Variants in NUP58 observed in about 807,000 individuals in gnomAD.
The protein encoded by NUP58 is nucleoporin p58/p45.
NUP58 carries 17 observed loss-of-function variants against 70.1 expected under a neutral mutation model. The observed-to-expected ratio is 0.24, with a 90% confidence interval of 0.17 to 0.36. NUP58 has a LOEUF of 0.36. NUP58 is among the 10% of genes least tolerant of loss of function. NUP58 has a pLI of 1.00. For synonymous variants in NUP58, 275 were observed against 257.6 expected (o/e 1.07, Z -0.65); for missense variants, 644 against 701.5 (o/e 0.92, Z 0.93).
chr13:25,345,911 T>C (rs748980082), downstream of NUP58, among the ~76,000 whole-genome samples: 1 of 152,226 alleles, frequency 6.6e-6, no homozygotes, highest in African/African-American at 2.4e-5. Context: ...AGAATGTGTT[T>C]GTTTTTTCTA....
intron 3 of NUP58, among the ~76,000 whole-genome samples, chr13:25,347,522 G>A (rs1467767694): frequency 6.6e-6 from 1 of 152,178 alleles, no homozygotes; most frequent in Non-Finnish European, 1.5e-5. Flanking sequence ...TTATAACCTC[G>A]ATGTCTTTGT....
At chr13:25,305,848 G>A (rs1391261654) in intron 1 of NUP58, among the ~76,000 whole-genome samples, 4 of 151,956 alleles carry the variant, frequency 2.6e-5, no homozygotes, top group Admixed American at 6.6e-5. Flanking sequence ...GGCTTCTTAA[G>A]CTGATTATGA....
At chr13:25,335,565 A>C (rs1027767514) in intron 13 of NUP58, 1 of 982,862 alleles carries the variant, frequency 1.0e-6, no homozygotes, top group African/African-American at 1.7e-5. Flanking sequence ...GTGATCTCAA[A>C]CTGGATGTAA....
chr13:25,320,247 T>C (rs2137771490), intron 7 of NUP58: 1 of 229,268 alleles, frequency 4.4e-6, no homozygotes, highest in East Asian at 1.0e-4. Flanking sequence ...CTCTGATTTT[T>C]TTGTTAGACA....
intron 6 of NUP58, among the ~76,000 whole-genome samples, chr13:25,318,255 G>A (rs1005688505): frequency 1.7e-4 from 26 of 152,038 alleles, no homozygotes; most frequent in African/African-American, 5.6e-4. Flanking sequence ...TTGAACCTGG[G>A]CAGCAGAGGT....
chr13:25,333,866 A>G (rs77895983), intron 13 of NUP58: 17,209 of 985,422 alleles, frequency 0.017, 158 homozygotes, highest in Non-Finnish European at 0.02. Context: ...CTGTTGATCT[A>G]TACAAGATTT....
intron 13 of NUP58, chr13:25,334,162 CGATAACGTG>C: frequency 1.0e-6 from 1 of 985,294 alleles, no homozygotes. Flanking sequence ...TCATGAGCAT[CGATAACGTG>C]GATAACGTAG....
At chr13:25,323,500 GA>G (rs564740714) in intron 9 of NUP58, among the ~76,000 whole-genome samples, 3 of 151,916 alleles carry the variant, frequency 2.0e-5, no homozygotes, top group Non-Finnish European at 4.4e-5. Context: ...TAGTAGCTAG[GA>G]ACTAATACTC....
rs190589279 is a variant in NUP58, at chr13:25,334,664, A to G, written c.1436-2272A>G. 28 of 980,458 alleles carry G rather than the reference A, an allele frequency of 2.9e-5. No individual in the cohort carries two copies. In the East Asian group the frequency reaches 4.5e-4, roughly 16 times the overall value. The allele number at this position is 980,458 out of a possible 1,614,324, so 60.7% of individuals were successfully genotyped here. The stretch of plus-strand genomic sequence containing the variant: ...ACTTAGAAATAACCATACTAATTAC[A>G]TTAGGCATTTGGGGTGATCATGGAA... On this transcript the variant is annotated intron_variant, in intron 13 of 15. Coordinates refer to ENST00000381736, the MANE Select transcript of NUP58 (RefSeq NM_014089.4).
At chr13:25,311,167 T>C (rs1405879819) in intron 3 of NUP58, among the ~76,000 whole-genome samples, 2 of 152,100 alleles carry the variant, frequency 1.3e-5, no homozygotes, top group East Asian at 3.9e-4. Flanking sequence ...CTGGGAAATA[T>C]GAAGTATTTT....
intron 2 of NUP58, 142 bp downstream of exon 2, chr13:25,308,090 G>A: frequency 1.1e-6 from 1 of 885,898 alleles, no homozygotes; most frequent in Non-Finnish European, 1.6e-6. Context: ...AGAAATGCAA[G>A]GAATTGGAAT....
At chr13:25,339,258 A>G (rs1593203098) in intron 15 of NUP58, among the ~76,000 whole-genome samples, 2 of 152,218 alleles carry the variant, frequency 1.3e-5, no homozygotes, top group South Asian at 2.1e-4. Flanking sequence ...ATTGGTAAAT[A>G]TGGCTTGTTT....
At position 25,329,741 on chromosome 13, in the gene NUP58, A is replaced by T. The variant is rs568007209; in HGVS notation, c.1234-1616A>T. Among the ~76,000 whole-genome samples the T allele has an allele frequency of 2.6e-5, 4 of 152,326 alleles. No individual in the cohort carries two copies. The East Asian group carries it at 7.7e-4, about 29-fold the overall frequency. Reference sequence around the variant, plus strand: ...TAACTATTCTATCCAGCCAGGCCTCAGGAACATTAACACATTTGGAAGTTT... The same window carrying T: ...TAACTATTCTATCCAGCCAGGCCTCTGGAACATTAACACATTTGGAAGTTT... On this transcript the variant is annotated intron_variant, in intron 12 of 15. Coordinates refer to ENST00000381736, the MANE Select transcript of NUP58 (RefSeq NM_014089.4).
At position 25,307,826 on chromosome 13, in the gene NUP58, A is replaced by G. The variant is rs770583254; in HGVS notation, c.128A>G (p.Asn43Ser). The G allele has an allele frequency of 1.5e-4, 240 of 1,613,958 alleles. No homozygotes were observed. Among genetic ancestry groups the G allele is most frequent in the Non-Finnish European group, 1.9e-4 (223 of 1,180,004 alleles). Residue 43 changes from asparagine (N) to serine (S), a missense_variant, in exon 2 of 16, where the codon AAT (asparagine) becomes AGT (serine). Coordinates refer to ENST00000381736, the MANE Select transcript of NUP58 (RefSeq NM_014089.4). ...GASSNPSVGLNFGNLGSTSTP... is the reference protein window; with the variant it reads ...GASSNPSVGLSFGNLGSTSTP... ...ATAAGCAACCCTTCTGTGGGGCTCA[A>G]TTTTGGAAATCTTGGAAGTACTTCA...
rs141694736 is a variant in NUP58, at chr13:25,321,238, T to C, written c.951+145T>C. On this transcript the variant is annotated intron_variant, in intron 9 of 15. Transcript: ENST00000381736. ...AGAAAACCAGATAACTCATATACTT[T>C]AATAATGAGTTTTTATTAAGCGTTT... The C allele has an allele frequency of 2.1e-3, 1,357 of 640,776 alleles. 5 individuals are homozygous for C. Among genetic ancestry groups the C allele is most frequent in the Non-Finnish European group, 3.1e-3 (1,215 of 387,594 alleles). The allele number at this position is 640,776 out of a possible 1,614,324, so 39.7% of individuals were successfully genotyped here.
rs11556092 is a variant in NUP58, at chr13:25,327,464, A to G, written c.1185A>G (p.Thr395=). Residue 395 remains threonine, a synonymous_variant, in exon 12 of 16, where the codon ACA becomes ACG. Transcript: ENST00000381736. ...LSMAMQKIYQ[T]FVALAAQLQS... is the part of the protein sequence containing the mutation. Reference sequence around the variant, plus strand: ...TGGCTATGCAGAAAATTTATCAAACATTTGTAGCTTTAGCGGCACAACTTC... The same window carrying G: ...TGGCTATGCAGAAAATTTATCAAACGTTTGTAGCTTTAGCGGCACAACTTC... 1.9e-6 allele frequency: 3 copies of G among 1,611,128 alleles called. No homozygotes were observed. Among genetic ancestry groups the G allele is most frequent in the Non-Finnish European group, 2.5e-6 (3 of 1,178,718 alleles).
Position 25,317,032 on chromosome 13 carries a change from C to CT in NUP58, c.685+1574dup, listed in dbSNP as rs556058379. The stretch of plus-strand genomic sequence containing the variant: ...TATCTATTGCTTATATCAAGGGATT[C>CT]TTTTTTTTTAATCCAAATGATTTCT... On this transcript the variant is annotated intron_variant, in intron 6 of 15. Coordinates refer to ENST00000381736, the MANE Select transcript of NUP58 (RefSeq NM_014089.4). 6.8e-3 allele frequency among the ~76,000 whole-genome samples: 1,036 copies of CT among 151,414 alleles called. 14 individuals are homozygous for CT. Among genetic ancestry groups the CT allele is most frequent in the African/African-American group, 0.024 (982 of 41,296 alleles).
chr13:25,301,916 A>AC (rs1247679416), intron 1 of NUP58, 36 bp downstream of exon 1: 3 of 1,288,776 alleles, frequency 2.3e-6, no homozygotes, highest in Non-Finnish European at 3.3e-6. Context: ...GGCCGGATTC[A>AC]CCCCCACCCC....
chr13:25,334,491 G>A, intron 13 of NUP58: 1 of 985,032 alleles, frequency 1.0e-6, no homozygotes, highest in Non-Finnish European at 1.2e-6. Flanking sequence ...GAAACATTAA[G>A]TATTTCATCT....
Sources: allele counts gnomAD v4.1 joint callset (sites outside exome capture counted in the v4.1 genomes callset), GRCh38; gene constraint gnomAD v4.1.1; transcripts MANE v1.5; gene names NCBI Gene and HGNC (gene_info 2026-07-23, HGNC 2026-07-21).